Variants in DACH1 observed in about 807,000 individuals in gnomAD.
DACH1 encodes dachshund family transcription factor 1.
Under a neutral mutation model 54.2 loss-of-function variants are expected in DACH1, and 12 were observed. The ratio of observed to expected loss-of-function variants is 0.22; its 90% CI spans 0.14 to 0.36. The LOEUF (loss-of-function observed/expected upper bound fraction) is 0.36, where lower values mean the gene tolerates loss of function less well. Ranked by LOEUF, DACH1 falls within the 10% of genes least tolerant of loss-of-function variation. DACH1 has a pLI of 1.00. For synonymous variants in DACH1, 386 were observed against 366.2 expected (o/e 1.05, Z -0.62); for missense variants, 805 against 929.8 (o/e 0.87, Z 1.75).
intron 2 of DACH1, among the ~76,000 whole-genome samples, chr13:71,633,707 C>T (rs1877271117): frequency 6.6e-6 from 1 of 152,132 alleles, no homozygotes; most frequent in African/African-American, 2.4e-5. Context: ...AGAAAGCAAG[C>T]TATGACATAT....
intron 3 of DACH1, among the ~76,000 whole-genome samples, chr13:71,628,341 G>T (rs999200712): frequency 8.6e-5 from 13 of 152,024 alleles, no homozygotes; most frequent in African/African-American, 3.1e-4. Context: ...TGTTCAGGAA[G>T]GATATTATAA....
At chr13:71,511,682 T>C (rs1364041083) in intron 6 of DACH1, among the ~76,000 whole-genome samples, 3 of 151,894 alleles carry the variant, frequency 2.0e-5, no homozygotes, top group Non-Finnish European at 4.4e-5. Flanking sequence ...ATTTAAAAAA[T>C]GGAAAAAGGA....
intron 1 of DACH1, among the ~76,000 whole-genome samples, chr13:71,828,710 A>G (rs1014868125): frequency 1.1e-4 from 16 of 152,018 alleles, no homozygotes; most frequent in Admixed American, 5.9e-4. Context: ...TCTTCATTAC[A>G]TGGTGCCTCT....
chr13:71,723,981 G>A (rs1883358705), intron 1 of DACH1, among the ~76,000 whole-genome samples: 2 of 152,082 alleles, frequency 1.3e-5, no homozygotes, highest in African/African-American at 2.4e-5. Flanking sequence ...CTGAACCACT[G>A]CACCTGGCCT....
chr13:71,862,178 G>GA lies in DACH1; in HGVS notation c.848+3743dup, dbSNP rs1305098728. 2.6e-5 allele frequency among the ~76,000 whole-genome samples: 4 copies of GA among 151,882 alleles called. No individual in the cohort carries two copies. In the South Asian group the frequency reaches 6.2e-4, roughly 24 times the overall value. ...CACAATCTTGTTTGAAAGATCCTGA[G>GA]AAAAAATTATCTTCTTACAACAATG... On this transcript the variant is annotated intron_variant, in intron 1 of 10. Transcript: ENST00000613252.
intron 6 of DACH1, among the ~76,000 whole-genome samples, chr13:71,519,883 G>GTATGTATATATATATATATATATATATA (rs1881446756): frequency 3.4e-5 from 1 of 29,330 alleles, no homozygotes; most frequent in Non-Finnish European, 9.8e-5. Context: ...AACCAAAGTA[G>GTATGTATATATATATATATATATATATA]TATATATATA....
chr13:71,450,896 A>C (rs972495114), intron 10 of DACH1, among the ~76,000 whole-genome samples: 1 of 152,124 alleles, frequency 6.6e-6, no homozygotes, highest in Non-Finnish European at 1.5e-5. Flanking sequence ...AGAGGGTATT[A>C]ATGATATTCT....
intron 3 of DACH1, among the ~76,000 whole-genome samples, chr13:71,601,814 T>C (rs543299639): frequency 7.2e-5 from 11 of 152,136 alleles, no homozygotes; most frequent in African/African-American, 2.6e-4. Flanking sequence ...TATTTTAAAA[T>C]AGTACAATAA....
chr13:71,464,458 C>T, intron 10 of DACH1: 1 of 309,820 alleles, frequency 3.2e-6, no homozygotes, highest in Non-Finnish European at 6.2e-6. Flanking sequence ...AACATACAAA[C>T]TTGTGCAATT....
intron 6 of DACH1, among the ~76,000 whole-genome samples, chr13:71,505,028 G>A (rs1337877458): frequency 6.6e-6 from 1 of 152,090 alleles, no homozygotes; most frequent in Non-Finnish European, 1.5e-5. Flanking sequence ...AACTTACTGA[G>A]AAATCGCAAA....
chr13:71,636,549 A>AAATAATAATAATAATAAT (rs368128838), intron 2 of DACH1, among the ~76,000 whole-genome samples: 12 of 146,908 alleles, frequency 8.2e-5, no homozygotes, highest in African/African-American at 2.8e-4. Flanking sequence ...CACAAAGTAA[A>AAATAATAATAATAATAAT]AATAATAATA....
chr13:71,854,822 G>C (rs1238125286), intron 1 of DACH1, among the ~76,000 whole-genome samples: 1 of 151,914 alleles, frequency 6.6e-6, no homozygotes, highest in Non-Finnish European at 1.5e-5. Flanking sequence ...TTAAATATTG[G>C]TATTTTATAA....
At chr13:71,521,631 C>T (rs1029375864) in intron 6 of DACH1, among the ~76,000 whole-genome samples, 5 of 152,132 alleles carry the variant, frequency 3.3e-5, no homozygotes, top group African/African-American at 1.2e-4. Flanking sequence ...ACTATGAAGC[C>T]ATAATCTATC....
At chr13:71,801,961 G>C (rs370725351) in intron 1 of DACH1, among the ~76,000 whole-genome samples, 64 of 152,132 alleles carry the variant, frequency 4.2e-4, no homozygotes, top group African/African-American at 1.5e-3. Flanking sequence ...AATTCAATTT[G>C]AGCGCACCCT....
intron 1 of DACH1, among the ~76,000 whole-genome samples, chr13:71,793,769 C>T (rs898172889): frequency 6.6e-6 from 1 of 152,138 alleles, no homozygotes; most frequent in East Asian, 1.9e-4. Flanking sequence ...TTAAGCGATC[C>T]TCCCACCTCA....
intron 7 of DACH1, among the ~76,000 whole-genome samples, chr13:71,485,575 C>CTTT (rs68024614): frequency 0.012 from 554 of 46,152 alleles, 1 homozygote; most frequent in East Asian, 0.031. Flanking sequence ...TTCTTTTCTT[C>CTTT]TTTTTTTTTT....
chr13:71,730,601 A>G (rs745330902), intron 1 of DACH1, among the ~76,000 whole-genome samples: 8 of 152,202 alleles, frequency 5.3e-5, no homozygotes, highest in Non-Finnish European at 1.2e-4. Flanking sequence ...GTTTGCACAC[A>G]CATACACACA....
intron 1 of DACH1, among the ~76,000 whole-genome samples, chr13:71,835,823 A>G: frequency 6.6e-6 from 1 of 152,132 alleles, no homozygotes; most frequent in East Asian, 1.9e-4. Context: ...ACTTTAAAGA[A>G]GTTTACATTA....
intron 1 of DACH1, among the ~76,000 whole-genome samples, chr13:71,784,626 C>A (rs754891166): frequency 1.3e-5 from 2 of 152,050 alleles, no homozygotes; most frequent in African/African-American, 2.4e-5. Context: ...TATACAAATT[C>A]TCTTAGAAGT....
Sources: gnomAD v4.1 joint callset for allele counts (sites outside exome capture counted in the v4.1 genomes callset) on GRCh38, gnomAD v4.1.1 for gene constraint, MANE v1.5 for transcripts, NCBI Gene and HGNC (gene_info 2026-07-23, HGNC 2026-07-21) for gene names.